SMARCA2: variants seen among roughly 807,000 people sequenced by gnomAD.
SMARCA2 encodes SWI/SNF-related matrix-associated actin-dependent regulator of chromatin subfamily A member 2.
SMARCA2 carries 61 observed loss-of-function variants against 199.8 expected under a neutral mutation model. The ratio of observed to expected loss-of-function variants is 0.31; its 90% confidence interval spans 0.25 to 0.38. The LOEUF (loss-of-function observed/expected upper bound fraction) is 0.38. SMARCA2 is among the 10% of genes least tolerant of loss of function. The pLI, the probability that SMARCA2 is intolerant of heterozygous loss-of-function variation, is 1.00. For missense variants in SMARCA2, 1,344 were observed against 2,012.2 expected, an observed-to-expected ratio of 0.67 and a Z score of 6.35; for synonymous variants, 935 against 732.0, an observed-to-expected ratio of 1.28 and a Z score of -4.48.
chr9:2,066,186 A>G (rs1820831028), intron 9 of SMARCA2, among the ~76,000 whole-genome samples: 1 of 152,256 alleles, frequency 6.6e-6, no homozygotes, highest in Non-Finnish European at 1.5e-5. Context: ...GTATATTATA[A>G]TAACACCCAC....
At position 2,052,565 on chromosome 9, in the gene SMARCA2, G is replaced by C. The variant is rs148649623; in HGVS notation, c.1047-2032G>C. Among the ~76,000 whole-genome samples, 397 of 152,322 alleles carry C rather than the reference G, an allele frequency of 2.6e-3. 3 individuals are homozygous for C. The highest frequency in any genetic ancestry group is 9.0e-3 in the African/African-American group (376 of 41,580). ...GACAAATCATTTAATAAATTAGAAC[G>C]AATAACGTGCGTATAGCAAATAAAA... On this transcript the variant is annotated intron_variant, in intron 5 of 33. Coordinates refer to ENST00000349721, the MANE Select transcript of SMARCA2 (RefSeq NM_003070.5).
intron 29 of SMARCA2, among the ~76,000 whole-genome samples, chr9:2,172,116 C>T (rs990273743): frequency 3.3e-5 from 5 of 152,138 alleles, no homozygotes; most frequent in Admixed American, 2.6e-4. Flanking sequence ...TTCCCATAAG[C>T]CTGAGCTGAC....
At chr9:2,036,592 C>G (rs1177557935) in intron 3 of SMARCA2, among the ~76,000 whole-genome samples, 1 of 152,086 alleles carries the variant, frequency 6.6e-6, no homozygotes, top group African/African-American at 2.4e-5. Context: ...TAATACCATA[C>G]GGTGACAGAA....
rs781008480 is a variant in SMARCA2, at chr9:2,170,580, C to G, written c.4253+108C>G. 3.1e-5 allele frequency: 48 copies of G among 1,559,650 alleles called. No homozygotes were observed. The highest frequency in any genetic ancestry group is 4.2e-5 in the Non-Finnish European group (48 of 1,140,194). On this transcript the variant is annotated intron_variant, in intron 29 of 33. Transcript: ENST00000349721. This position sits in a 1 kb window ranked among gnomAD's most constrained non-coding sequence, Gnocchi z 4.7. Reference sequence around the variant, plus strand: ...TTTGGAAGCAAATTTCTTCGGTCACCTCCTGATCACCCCTACTTGGAGAGC... The same window carrying G: ...TTTGGAAGCAAATTTCTTCGGTCACGTCCTGATCACCCCTACTTGGAGAGC...
chr9:2,086,268 T>C lies in SMARCA2; in HGVS notation c.2527-561T>C, dbSNP rs796766845. ...CCAACTTTTAAATGTTAGCAACCAG[T>C]CCAAACAAAACAAAACACACTTCCG... On this transcript the variant is annotated intron_variant, in intron 17 of 33. Transcript: ENST00000349721. The surrounding 1 kb of genome is among the most constrained non-coding windows in gnomAD (Gnocchi z 4.3). Among the ~76,000 whole-genome samples the C allele has an allele frequency of 6.6e-5, 10 of 152,226 alleles. No homozygotes were observed. The highest frequency in any genetic ancestry group is 1.9e-4 in the African/African-American group (8 of 41,532).
At position 2,069,313 on chromosome 9, in the gene SMARCA2, C is replaced by A. The variant is rs189158666; in HGVS notation, c.1693-1105C>A. Among the ~76,000 whole-genome samples the A allele has an allele frequency of 1.1e-4, 16 of 151,376 alleles. No individual in the cohort carries two copies. The East Asian group carries it at 3.0e-3, about 28-fold the overall frequency. ...GGATATGTAAGAAATGGTAGATAGGCTGGGAGGCCGAGGCAGGCGGATCAC... is the reference window on the plus strand; with the variant it reads ...GGATATGTAAGAAATGGTAGATAGGATGGGAGGCCGAGGCAGGCGGATCAC... On this transcript the variant is annotated intron_variant, in intron 9 of 33. Transcript: ENST00000349721.
chr9:2,185,951 A>C (rs935949039), intron 31 of SMARCA2, 145 bp from the exon 32 acceptor site: 1 of 749,454 alleles, frequency 1.3e-6, no homozygotes, highest in South Asian at 1.9e-5. Flanking sequence ...GCGTTTTGCT[A>C]CTGGGTTTTC....
At chr9:2,187,847 G>C (rs1388976318) in intron 32 of SMARCA2, among the ~76,000 whole-genome samples, 1 of 152,098 alleles carries the variant, frequency 6.6e-6, no homozygotes, top group Non-Finnish European at 1.5e-5. Context: ...GGGAAGCTGA[G>C]GTGGCTGGAT....
rs7872935 is a variant in SMARCA2 at position 2,119,608 on chromosome 9, C to T, written c.3762+73C>T. The T allele has an allele frequency of 6.8e-6, 7 of 1,023,650 alleles. No individual in the cohort carries two copies. The highest frequency in any genetic ancestry group is 1.6e-5 in the African/African-American group (1 of 63,190). The allele number at this position is 1,023,650 out of a possible 1,614,324, so 63.4% of individuals were successfully genotyped here. ...CTTTTTCTGTTAAGCAGAATGTCTGCAGCCTGCGTGCCTGGCAGAACTTCA... is the reference window on the plus strand; with the variant it reads ...CTTTTTCTGTTAAGCAGAATGTCTGTAGCCTGCGTGCCTGGCAGAACTTCA... On this transcript the variant is annotated intron_variant, in intron 26 of 33. Coordinates refer to ENST00000349721, the MANE Select transcript of SMARCA2 (RefSeq NM_003070.5). The surrounding 1 kb of genome is among the most constrained non-coding windows in gnomAD (Gnocchi z 4.6).
chr9:2,112,650 C>T (rs1384393222), intron 24 of SMARCA2, among the ~76,000 whole-genome samples: 1 of 152,170 alleles, frequency 6.6e-6, no homozygotes, highest in Non-Finnish European at 1.5e-5. Context: ...ACAGGTTCCT[C>T]ACACTGGGCC....
In SMARCA2 at chr9:2,119,615, C is replaced by T. The variant is rs1046532873; in HGVS notation, c.3762+80C>T. On this transcript the variant is annotated intron_variant, in intron 26 of 33. Transcript: ENST00000349721. This position sits in a 1 kb window ranked among gnomAD's most constrained non-coding sequence, Gnocchi z 4.6. ...TGTTAAGCAGAATGTCTGCAGCCTG[C>T]GTGCCTGGCAGAACTTCATACGTAA... 9.4e-6 allele frequency: 9 copies of T among 961,396 alleles called. No homozygotes were observed. The highest frequency in any genetic ancestry group is 2.5e-5 in the East Asian group (1 of 39,744). 59.6% of individuals were successfully genotyped at this position (961,396 alleles called of 1,614,324 possible). A position where few individuals can be genotyped will look rare whatever the true frequency, so the allele number is the denominator to read the frequency against.
At chr9:2,054,549 A>C (rs765092368) in intron 5 of SMARCA2, 48 bp from the exon 6 acceptor site, 2 of 1,588,604 alleles carry the variant, frequency 1.3e-6, no homozygotes, top group Non-Finnish European at 1.7e-6. Flanking sequence ...TTAAATTGTA[A>C]TGTGTTTTTC....
intron 2 of SMARCA2, among the ~76,000 whole-genome samples, chr9:2,031,171 A>G (rs1291806813): frequency 1.3e-5 from 2 of 152,118 alleles, no homozygotes; most frequent in Non-Finnish European, 2.9e-5. Context: ...TTTTCATTTA[A>G]CAATGTATTA....
chr9:2,182,339 C>G lies in SMARCA2; in HGVS notation c.4461+97C>G, dbSNP rs558134876. ...TCATTTTCTACCTCTTGAATCATTG[C>G]TACTGGCAGAAGAAAAATAACTAAA... On this transcript the variant is annotated intron_variant, in intron 31 of 33. Coordinates refer to ENST00000349721, the MANE Select transcript of SMARCA2 (RefSeq NM_003070.5). 180 of 743,690 alleles carry G rather than the reference C, an allele frequency of 2.4e-4. 1 individual carries two copies. In the African/African-American group the frequency reaches 3.0e-3, roughly 12 times the overall value. The allele number at this position is 743,690 out of a possible 1,614,324, so 46.1% of individuals were successfully genotyped here.
At chr9:2,139,431 A>C (rs1414740888) in intron 27 of SMARCA2, among the ~76,000 whole-genome samples, 9 of 152,228 alleles carry the variant, frequency 5.9e-5, no homozygotes, top group Non-Finnish European at 4.4e-5. Flanking sequence ...GGGAGCCACA[A>C]GACTGGTCGA....
intron 25 of SMARCA2, 123 bp downstream of exon 25, chr9:2,116,172 C>A (rs369341548): frequency 5.5e-6 from 4 of 731,854 alleles, no homozygotes; most frequent in East Asian, 5.4e-5. Context: ...AAGAAATAAA[C>A]TGCTGTTTTA....
intron 19 of SMARCA2, among the ~76,000 whole-genome samples, chr9:2,091,815 G>A (rs1038492609): frequency 4.6e-5 from 7 of 152,102 alleles, no homozygotes; most frequent in Admixed American, 3.3e-4. Context: ...GCATAGTGGC[G>A]TCTTGTAACT....
In SMARCA2 at chr9:2,029,060, C is replaced by G; in HGVS notation, c.38C>G (p.Pro13Arg). The G allele has an allele frequency of 6.4e-7, 1 of 1,558,580 alleles. No individual in the cohort carries two copies. Reference sequence around the variant, plus strand: ...ACAGACCCTGGTGCGATGCCCCACCCAGGGCCTTCGCCGGGGCCTGGGCCT... The same window carrying G: ...ACAGACCCTGGTGCGATGCCCCACCGAGGGCCTTCGCCGGGGCCTGGGCCT... The part of the protein sequence containing the change: ...TPTDPGAMPH[P>R]GPSPGPGPSP... Residue 13 changes from proline (P) to arginine (R), a missense_variant, in exon 2 of 34, where the codon CCA becomes CGA. Coordinates refer to ENST00000349721, the MANE Select transcript of SMARCA2 (RefSeq NM_003070.5).
At chr9:2,094,369 C>T (rs953965570) in intron 19 of SMARCA2, among the ~76,000 whole-genome samples, 1 of 152,194 alleles carries the variant, frequency 6.6e-6, no homozygotes, top group African/African-American at 2.4e-5. Context: ...ATGGTATCAC[C>T]ATGCATGCCT....
Sources: gnomAD v4.1 joint callset for allele counts (sites outside exome capture counted in the v4.1 genomes callset) on GRCh38, gnomAD v4.1.1 for gene constraint, Gnocchi (gnomAD v3.1) non-coding constraint, MANE v1.5 for transcripts, NCBI Gene and HGNC (gene_info 2026-07-23, HGNC 2026-07-21) for gene names.